Variants in SYT14 observed in about 807,000 individuals in gnomAD.
SYT14 encodes synaptotagmin-14.
Under a neutral mutation model 74.2 loss-of-function variants are expected in SYT14, and 32 were observed. The observed-to-expected ratio is 0.43, with a 90% CI of 0.33 to 0.58. The LOEUF (loss-of-function observed/expected upper bound fraction) is 0.58. Among genes scored for constraint, SYT14 ranks in the 20% least tolerant of loss-of-function variants. The pLI is 0.05. For missense variants in SYT14, 791 were observed against 981.8 expected, an observed-to-expected ratio of 0.81 and a Z score of 2.60; for synonymous variants, 298 against 337.7, an observed-to-expected ratio of 0.88 and a Z score of 1.29.
chr1:210,110,002 C>A (rs2082232169), intron 7 of SYT14, among the ~76,000 whole-genome samples: 1 of 152,112 alleles, frequency 6.6e-6, no homozygotes, highest in Non-Finnish European at 1.5e-5. Flanking sequence ...TCATTCTCAG[C>A]AAACTAACAC....
intron 2 of SYT14, among the ~76,000 whole-genome samples, chr1:209,983,288 T>C (rs998013664): frequency 3.3e-5 from 5 of 152,184 alleles, no homozygotes; most frequent in African/African-American, 1.2e-4. Context: ...TTACTTCTTC[T>C]GATATTGTTC....
At chr1:210,062,483 C>T (rs2081223687) in intron 5 of SYT14, among the ~76,000 whole-genome samples, 2 of 151,832 alleles carry the variant, frequency 1.3e-5, no homozygotes. Context: ...TTACCTTTCA[C>T]AGATTATTAG....
exon 10 of SYT14, chr1:210,163,432 TTATCTA>T (rs1182551541): frequency 4.4e-6 from 2 of 453,664 alleles, no homozygotes; most frequent in African/African-American, 4.0e-5. Flanking sequence ...AGATTATAAA[TTATCTA>T]TATGAGTGTA....
At chr1:210,021,217 G>A in exon 5 of SYT14, 3 of 1,614,004 alleles carry the variant, frequency 1.9e-6, no homozygotes, top group Non-Finnish European at 1.7e-6. Context: ...TATCGGCAGA[G>A]TATGATGGAT....
intron 7 of SYT14, among the ~76,000 whole-genome samples, chr1:210,120,128 G>A (rs2082429886): frequency 6.8e-6 from 1 of 146,984 alleles, no homozygotes; most frequent in Non-Finnish European, 1.5e-5. Flanking sequence ...GATTAGAATG[G>A]TACTAAATTA....
At chr1:210,002,494 G>C (rs1395998476) in intron 2 of SYT14, among the ~76,000 whole-genome samples, 1 of 151,622 alleles carries the variant, frequency 6.6e-6, no homozygotes, top group East Asian at 1.9e-4. Context: ...TCATTTTTAT[G>C]GCTACATAAT....
chr1:209,970,204 C>T (rs2079227278), intron 2 of SYT14, among the ~76,000 whole-genome samples: 1 of 152,104 alleles, frequency 6.6e-6, no homozygotes, highest in Non-Finnish European at 1.5e-5. Flanking sequence ...TCAGAATTTA[C>T]ATTTAAGTCT....
At chr1:210,116,220 G>A (rs1354601493) in intron 7 of SYT14, among the ~76,000 whole-genome samples, 1 of 152,202 alleles carries the variant, frequency 6.6e-6, no homozygotes, top group Non-Finnish European at 1.5e-5. Flanking sequence ...AATTATTGCT[G>A]TATAAATGTT....
chr1:210,082,980 T>C (rs1418603063), intron 5 of SYT14, among the ~76,000 whole-genome samples: 1 of 149,280 alleles, frequency 6.7e-6, no homozygotes, highest in Non-Finnish European at 1.5e-5. Context: ...GGTTATTTCT[T>C]TTTTTTTTTT....
At chr1:210,132,652 G>A (rs1211972163) in intron 7 of SYT14, among the ~76,000 whole-genome samples, 6 of 151,068 alleles carry the variant, frequency 4.0e-5, no homozygotes, top group Non-Finnish European at 5.9e-5. Flanking sequence ...CATACTTTAT[G>A]TCTCAGATAA....
chr1:210,011,251 A>G (rs1296518518), intron 2 of SYT14, among the ~76,000 whole-genome samples: 1 of 152,150 alleles, frequency 6.6e-6, no homozygotes, highest in Non-Finnish European at 1.5e-5. Context: ...TGGCTATCTG[A>G]AATGTTGATG....
intron 5 of SYT14, among the ~76,000 whole-genome samples, chr1:210,063,021 G>GTTTT (rs11444158): frequency 7.1e-6 from 1 of 141,084 alleles, no homozygotes; most frequent in African/African-American, 2.6e-5. Context: ...ATTTTTTCTA[G>GTTTT]TTTTTTTTTT....
chr1:210,089,914 A>G (rs1443800146), intron 5 of SYT14, among the ~76,000 whole-genome samples: 1 of 152,210 alleles, frequency 6.6e-6, no homozygotes, highest in Non-Finnish European at 1.5e-5. Flanking sequence ...CTGGCTACAG[A>G]ATTTTCTGGG....
At chr1:209,972,783 G>C (rs2102759185) in intron 2 of SYT14, among the ~76,000 whole-genome samples, 1 of 152,294 alleles carries the variant, frequency 6.6e-6, no homozygotes, top group Middle Eastern at 3.4e-3. Flanking sequence ...GCCTATCTTA[G>C]AGTGTGTTCT....
At chr1:209,995,732 T>C (rs1033258398) in intron 2 of SYT14, among the ~76,000 whole-genome samples, 2 of 152,046 alleles carry the variant, frequency 1.3e-5, no homozygotes, top group African/African-American at 4.8e-5. Context: ...ACCTGCTCAG[T>C]CATAAAACAA....
At chr1:210,063,781 ACTT>A (rs1424033006) in intron 5 of SYT14, among the ~76,000 whole-genome samples, 1 of 146,496 alleles carries the variant, frequency 6.8e-6, no homozygotes, top group African/African-American at 2.8e-5. Context: ...TGTGTGATGG[ACTT>A]CTTTTTTCTC....
At chr1:210,118,204 G>C (rs1376838211) in intron 7 of SYT14, among the ~76,000 whole-genome samples, 1 of 152,154 alleles carries the variant, frequency 6.6e-6, no homozygotes, top group Non-Finnish European at 1.5e-5. Flanking sequence ...AGCATATTCT[G>C]TAGTTAAGTA....
At chr1:210,064,079 C>A (rs2081254331) in intron 5 of SYT14, among the ~76,000 whole-genome samples, 1 of 151,862 alleles carries the variant, frequency 6.6e-6, no homozygotes, top group Admixed American at 6.6e-5. Flanking sequence ...TTTAGTTTTT[C>A]ACTGTGGTAA....
At chr1:210,067,729 T>C (rs1446192355) in intron 5 of SYT14, among the ~76,000 whole-genome samples, 1 of 151,938 alleles carries the variant, frequency 6.6e-6, no homozygotes, top group African/African-American at 2.4e-5. Context: ...TTTTGCATTT[T>C]TGGCAATCTG....
Sources: allele counts gnomAD v4.1 joint callset (sites outside exome capture counted in the v4.1 genomes callset), GRCh38; gene constraint gnomAD v4.1.1; transcripts MANE v1.5; gene names NCBI Gene and HGNC (gene_info 2026-07-23, HGNC 2026-07-21).